DNAH5: variants seen among roughly 807,000 people sequenced by gnomAD.
DNAH5 encodes dynein axonemal heavy chain 5.
DNAH5 carries 372 observed loss-of-function variants against 518.2 expected under a neutral mutation model. That is an observed-to-expected ratio of 0.72 (90% CI 0.66 to 0.78). The LOEUF is 0.78. Ranked by LOEUF, DNAH5 falls within the 30% of genes least tolerant of loss-of-function variation. The pLI is 0.00. For synonymous variants in DNAH5, 2,039 were observed against 2,025.9 expected, an observed-to-expected ratio of 1.01 and a Z score of -0.17; for missense variants, 5,523 against 5,687.0, an observed-to-expected ratio of 0.97 and a Z score of 0.93.
intron 65 of DNAH5, among the ~76,000 whole-genome samples, chr5:13,747,459 G>A (rs1580036034): frequency 1.3e-5 from 2 of 152,216 alleles, no homozygotes; most frequent in Non-Finnish European, 2.9e-5. Context: ...CTGAGGAATC[G>A]CCACACTGTC....
chr5:13,765,923 T>C, intron 59 of DNAH5, 53 bp downstream of exon 59: 1 of 1,535,384 alleles, frequency 6.5e-7, no homozygotes, highest in Non-Finnish European at 9.0e-7. Context: ...AAAGGACTCA[T>C]ACACCAGTGA....
intron 26 of DNAH5, 37 bp downstream of exon 26, chr5:13,866,183 T>G: frequency 1.3e-6 from 2 of 1,592,350 alleles, no homozygotes; most frequent in Non-Finnish European, 1.7e-6. Flanking sequence ...CAACAAAGTT[T>G]CATTGTTTAG....
In DNAH5 at chr5:13,701,058, A is replaced by C. The variant is rs6883283; in HGVS notation, c.13492-187T>G. On this transcript the variant is annotated intron_variant, in intron 77 of 78. Coordinates refer to ENST00000265104, the MANE Select transcript of DNAH5 (RefSeq NM_001369.3). ...AATTGAGCTAGGTCTACTTTAAAAA[A>C]AAATAGAAAATCAAATCAAATACAA... Among the ~76,000 whole-genome samples, 73,848 of 152,190 alleles carry C rather than the reference A, an allele frequency of 0.49. 18,485 individuals carry two copies. Among genetic ancestry groups the C allele is most frequent in the Non-Finnish European group, 0.54 (37,033 of 68,006 alleles).
chr5:13,770,215 G>A (rs747850180), intron 56 of DNAH5, among the ~76,000 whole-genome samples: 1 of 152,168 alleles, frequency 6.6e-6, no homozygotes, highest in Non-Finnish European at 1.5e-5. Flanking sequence ...AAAGCATAGG[G>A]CAGAGCAGTG....
At chr5:13,837,121 A>G (rs1034886086) in intron 35 of DNAH5, among the ~76,000 whole-genome samples, 1 of 152,244 alleles carries the variant, frequency 6.6e-6, no homozygotes, top group Non-Finnish European at 1.5e-5. Flanking sequence ...ACACCTGATT[A>G]CAATCCCGTG....
intron 1 of DNAH5, among the ~76,000 whole-genome samples, chr5:13,944,006 C>G (rs145970900): frequency 9.8e-5 from 15 of 152,306 alleles, no homozygotes; most frequent in Admixed American, 3.3e-4. Flanking sequence ...AAAGCCTAAA[C>G]CTTGCAGCCT....
chr5:13,735,363 T>C (rs1225643325), intron 67 of DNAH5, 42 bp from the exon 68 acceptor site: 2 of 1,571,042 alleles, frequency 1.3e-6, no homozygotes, highest in Non-Finnish European at 1.7e-6. Context: ...CCCACTGCCC[T>C]TTTCAATTGT....
intron 46 of DNAH5, among the ~76,000 whole-genome samples, 193 bp from the exon 47 acceptor site, chr5:13,807,918 C>T (rs182140313): frequency 1.3e-5 from 2 of 152,134 alleles, no homozygotes; most frequent in South Asian, 2.1e-4. Flanking sequence ...TCCACCCTAA[C>T]TCGTGTCCTT....
chr5:13,972,322 T>G (rs1388205883), intron 1 of DNAH5, among the ~76,000 whole-genome samples: 1 of 152,136 alleles, frequency 6.6e-6, no homozygotes, highest in African/African-American at 2.4e-5. Context: ...ATAGCTACAC[T>G]CCCTGTTCAC....
chr5:13,926,655 G>T (rs1777901178), intron 3 of DNAH5, among the ~76,000 whole-genome samples: 1 of 151,474 alleles, frequency 6.6e-6, no homozygotes, highest in South Asian at 2.1e-4. Context: ...GAACATCCAG[G>T]AAAGTCACAG....
At chr5:13,888,996 T>C (rs1191591547) in intron 17 of DNAH5, among the ~76,000 whole-genome samples, 1 of 152,204 alleles carries the variant, frequency 6.6e-6, no homozygotes, top group African/African-American at 2.4e-5. Context: ...GAAAGCCATG[T>C]AGCAACATGA....
Position 13,792,044 on chromosome 5 carries a change from C to T in DNAH5, c.8398G>A (p.Val2800Ile), listed in dbSNP as rs770453841. Residue 2800 changes from valine to isoleucine, a missense_variant, in exon 50 of 79, where the codon GTC (valine) becomes ATC (isoleucine). Transcript: ENST00000265104. ...GTAGTGTTCAGCATTCCCTGCCAGA[C>T]CCGAGAAAGATCTCGTAGGTTAAAC... The part of the protein sequence containing the change: ...YVFNLRDLSR[V>I]WQGMLNTTSE... The T allele has an allele frequency of 7.8e-5, 126 of 1,613,912 alleles. No individual in the cohort carries two copies. The highest frequency in any genetic ancestry group is 2.2e-4 in the Admixed American group (13 of 59,954).
At chr5:13,827,540 C>T (rs1413034346) in intron 38 of DNAH5, among the ~76,000 whole-genome samples, 1 of 149,696 alleles carries the variant, frequency 6.7e-6, no homozygotes, top group African/African-American at 2.5e-5. Flanking sequence ...TTTGATTTTA[C>T]AGGCTCATAG....
chr5:14,000,138 T>A (rs1581148163), intron 1 of DNAH5, among the ~76,000 whole-genome samples: 1 of 152,158 alleles, frequency 6.6e-6, no homozygotes, highest in East Asian at 1.9e-4. Context: ...TTAACCAAGT[T>A]AAGATGAGGT....
rs1470925950 is a variant in DNAH5 at position 13,729,439 on chromosome 5, C to T, written c.11883G>A (p.Gln3961=). 5 of 1,613,792 alleles carry T rather than the reference C, an allele frequency of 3.1e-6. No individual in the cohort carries two copies. The highest frequency in any genetic ancestry group is 3.3e-5 in the Admixed American group (2 of 60,010). Residue 3961 remains glutamine (Q), a splice_region_variant and synonymous_variant, in exon 69 of 79, where the codon CAG becomes CAA. Coordinates refer to ENST00000265104, the MANE Select transcript of DNAH5 (RefSeq NM_001369.3). The stretch of plus-strand genomic sequence containing the variant: ...TTAAGTTGATTCAAAGCACAGTTAC[C>T]TGGTCAAGGACATCTGAAAACTGTC... ...KLRQFSDVLD[Q]ISRNEKMWKI...
intron 68 of DNAH5, among the ~76,000 whole-genome samples, 155 bp from the exon 69 acceptor site, chr5:13,729,715 A>C (rs1411243346): frequency 6.6e-6 from 1 of 152,240 alleles, no homozygotes; most frequent in African/African-American, 2.4e-5. Context: ...TGCAACATTT[A>C]ATAAATCAAT....
intron 47 of DNAH5, among the ~76,000 whole-genome samples, chr5:13,797,298 C>T (rs1487738704): frequency 3.3e-5 from 5 of 152,044 alleles, no homozygotes; most frequent in Non-Finnish European, 7.4e-5. Context: ...TTGCAATCTA[C>T]CCATCTGAAA....
chr5:13,971,162 C>T (rs994060412), intron 1 of DNAH5, among the ~76,000 whole-genome samples: 4 of 152,020 alleles, frequency 2.6e-5, no homozygotes, highest in African/African-American at 9.7e-5. Context: ...GGCTATTTCT[C>T]TGGAAATTTT....
intron 1 of DNAH5, among the ~76,000 whole-genome samples, chr5:13,962,122 T>TA (rs1233401264): frequency 1.3e-5 from 2 of 152,188 alleles, no homozygotes; most frequent in African/African-American, 4.8e-5. Context: ...ACAATCAAGG[T>TA]AAAAATATAT....
Sources: allele counts gnomAD v4.1 joint callset (sites outside exome capture counted in the v4.1 genomes callset), GRCh38; gene constraint gnomAD v4.1.1; transcripts MANE v1.5; gene names NCBI Gene and HGNC (gene_info 2026-07-23, HGNC 2026-07-21).